Variants in RASSF8 observed in about 807,000 individuals in gnomAD.
RASSF8 encodes the protein Ras association domain family member 8.
RASSF8 carries 22 observed loss-of-function variants against 48.5 expected under a neutral mutation model. The ratio of observed to expected loss-of-function variants is 0.45; its 90% CI spans 0.32 to 0.65. The LOEUF (loss-of-function observed/expected upper bound fraction) is 0.65. Ranked by LOEUF, RASSF8 falls within the 30% of genes least tolerant of loss-of-function variation. The pLI is 0.03. For synonymous variants in RASSF8, 127 were observed against 171.5 expected, an observed-to-expected ratio of 0.74 and a Z score of 2.03; for missense variants, 418 against 489.2, an observed-to-expected ratio of 0.85 and a Z score of 1.37.
intron 1 of RASSF8, among the ~76,000 whole-genome samples, chr12:25,975,463 T>G (rs1941583298): frequency 6.6e-6 from 1 of 152,230 alleles, no homozygotes; most frequent in Admixed American, 6.5e-5. Context: ...GATTTTAGAT[T>G]AGAGAATGTT....
intron 1 of RASSF8, among the ~76,000 whole-genome samples, chr12:25,986,760 C>T (rs1479552501): frequency 6.6e-6 from 1 of 152,176 alleles, no homozygotes; most frequent in African/African-American, 2.4e-5. Context: ...GACAAGGCTC[C>T]TAGTTACTTA....
At chr12:26,011,562 G>A (rs182810270) in intron 2 of RASSF8, among the ~76,000 whole-genome samples, 1 of 152,196 alleles carries the variant, frequency 6.6e-6, no homozygotes, top group East Asian at 1.9e-4. Context: ...CATTCCCCCC[G>A]AATTCAAATG....
At chr12:26,042,241 G>C (rs191465655) in intron 2 of RASSF8, among the ~76,000 whole-genome samples, 1 of 152,306 alleles carries the variant, frequency 6.6e-6, no homozygotes, top group East Asian at 1.9e-4. Context: ...ATATTCCCAA[G>C]CCTAGGAGTG....
At position 26,071,523 on chromosome 12, in the gene RASSF8, C is replaced by T; in HGVS notation, c.*2705C>T. 2 of 971,168 alleles carry T rather than the reference C, an allele frequency of 2.1e-6. No homozygotes were observed. Among genetic ancestry groups the T allele is most frequent in the Non-Finnish European group, 2.4e-6 (2 of 817,018 alleles). 60.2% of individuals were successfully genotyped at this position (971,168 alleles called of 1,614,324 possible). A position where few individuals can be genotyped will look rare whatever the true frequency, so the allele number is the denominator to read the frequency against. The stretch of plus-strand genomic sequence containing the variant: ...TTTGGAATAGCATTGGTATATTTGA[C>T]CTTTTGAGTGTCTGTCATCCTCAGA... On this transcript the variant is annotated 3_prime_UTR_variant, in exon 6 of 6. Coordinates refer to ENST00000689635, the MANE Select transcript of RASSF8 (RefSeq NM_001394098.1).
At chr12:26,054,077 A>G (rs777547534) in intron 2 of RASSF8, among the ~76,000 whole-genome samples, 7 of 152,256 alleles carry the variant, frequency 4.6e-5, no homozygotes, top group Non-Finnish European at 5.9e-5. Context: ...TACCAGTGCC[A>G]CTGTAAACCT....
chr12:26,022,984 T>C (rs10734752), intron 2 of RASSF8, among the ~76,000 whole-genome samples: 123,175 of 152,088 alleles, frequency 0.81, 50,035 homozygotes, highest in East Asian at 0.9. Flanking sequence ...CGACCTCAGG[T>C]GATCACCCAC....
At chr12:26,073,523 G>A (rs577266111), downstream of RASSF8, among the ~76,000 whole-genome samples, 31 of 152,268 alleles carry the variant, frequency 2.0e-4, no homozygotes, top group African/African-American at 7.2e-4. Flanking sequence ...GATGACTTGA[G>A]GTCAGGAGTT....
In RASSF8 at chr12:26,053,279, T is replaced by C. The variant is rs1258629917; in HGVS notation, c.-108-1957T>C. ...GAGATCTGTACCCTTTCTTGCTTGA[T>C]TTCCCAAGTTTAAGATATTTTAATG... On this transcript the variant is annotated intron_variant, in intron 2 of 5. Transcript: ENST00000689635. Among the ~76,000 whole-genome samples, 10 of 152,106 alleles carry C rather than the reference T, an allele frequency of 6.6e-5. No individual in the cohort carries two copies. The East Asian group carries it at 1.9e-3, about 29-fold the overall frequency.
intron 1 of RASSF8, among the ~76,000 whole-genome samples, chr12:25,972,898 C>T (rs949882603): frequency 2.0e-5 from 3 of 152,194 alleles, no homozygotes; most frequent in Non-Finnish European, 4.4e-5. Flanking sequence ...CTAATGGCAT[C>T]TCATAGTTTT....
chr12:26,055,467 T>C lies in RASSF8; in HGVS notation c.103+21T>C, dbSNP rs755447328. The C allele has an allele frequency of 4.5e-6, 7 of 1,571,176 alleles. No homozygotes were observed. The Admixed American group carries it at 8.3e-5, about 19-fold the overall frequency. On this transcript the variant is annotated intron_variant, in intron 3 of 5. Coordinates refer to ENST00000689635, the MANE Select transcript of RASSF8 (RefSeq NM_001394098.1). ...AATAGGTGAGTGAACTCTGTGGGTA[T>C]CTGAGAAAAGTACATTGTGCTTTCT...
intron 1 of RASSF8, among the ~76,000 whole-genome samples, chr12:25,987,795 T>C (rs1009449893): frequency 6.6e-6 from 1 of 152,164 alleles, no homozygotes; most frequent in Non-Finnish European, 1.5e-5. Context: ...CCAGCTCTTT[T>C]TTAAAAAGAG....
At chr12:25,960,324 T>C (rs1486859342) in intron 1 of RASSF8, among the ~76,000 whole-genome samples, 1 of 152,166 alleles carries the variant, frequency 6.6e-6, no homozygotes, top group Non-Finnish European at 1.5e-5. Flanking sequence ...CTTAATGGGT[T>C]TTCGACATCC....
chr12:26,018,098 T>G (rs1185787462), intron 2 of RASSF8, among the ~76,000 whole-genome samples: 4 of 146,576 alleles, frequency 2.7e-5, no homozygotes, highest in Non-Finnish European at 6.1e-5. Context: ...TATTTTTCAT[T>G]GGAGGATATC....
chr12:26,053,217 G>A (rs1233474035), intron 2 of RASSF8, among the ~76,000 whole-genome samples: 1 of 150,782 alleles, frequency 6.6e-6, no homozygotes, highest in African/African-American at 2.4e-5. Context: ...AGAATCATTT[G>A]AAATGATGGG....
intron 1 of RASSF8, among the ~76,000 whole-genome samples, chr12:25,973,233 G>A (rs1941525232): frequency 6.6e-6 from 1 of 151,360 alleles, no homozygotes; most frequent in African/African-American, 2.4e-5. Context: ...GCAAAGGCTA[G>A]TTTATTTGTT....
chr12:26,000,782 A>G (rs565852338), intron 2 of RASSF8, among the ~76,000 whole-genome samples: 31 of 152,274 alleles, frequency 2.0e-4, no homozygotes, highest in African/African-American at 7.0e-4. Context: ...TAGAAAAGGT[A>G]TGGTAGAAAT....
chr12:26,051,927 G>A lies in RASSF8; in HGVS notation c.-108-3309G>A, dbSNP rs146861744. ...CAGCCTTCTTGCCTCAGAAACCCTG[G>A]ACACCACTTCAGCACTATGCTTGGG... On this transcript the variant is annotated intron_variant, in intron 2 of 5. Coordinates refer to ENST00000689635, the MANE Select transcript of RASSF8 (RefSeq NM_001394098.1). 1.5e-4 allele frequency among the ~76,000 whole-genome samples: 23 copies of A among 152,214 alleles called. No individual in the cohort carries two copies. The East Asian group carries it at 3.5e-3, about 23-fold the overall frequency.
chr12:25,994,604 C>G (rs1343671223), intron 1 of RASSF8, among the ~76,000 whole-genome samples: 2 of 152,170 alleles, frequency 1.3e-5, no homozygotes, highest in Non-Finnish European at 2.9e-5. Flanking sequence ...TTTTTTAGGA[C>G]TGAAGACCTG....
rs111620349 is a variant in RASSF8 at position 26,047,699 on chromosome 12, T to C, written c.-108-7537T>C. 1.4e-4 allele frequency among the ~76,000 whole-genome samples: 21 copies of C among 152,328 alleles called. 1 individual carries two copies. The highest frequency in any genetic ancestry group is 4.8e-4 in the African/African-American group (20 of 41,576). ...CGACTTAGCTGGTAACTACCGTCTC[T>C]AGCAGCAGAGAGGCCTGGACAAAAG... is the stretch of plus-strand genomic sequence containing the variant. On this transcript the variant is annotated intron_variant, in intron 2 of 5. Transcript: ENST00000689635.
Sources: gnomAD v4.1 joint callset for allele counts (sites outside exome capture counted in the v4.1 genomes callset) on GRCh38, gnomAD v4.1.1 for gene constraint, MANE v1.5 for transcripts, NCBI Gene and HGNC (gene_info 2026-07-23, HGNC 2026-07-21) for gene names.